Variants in NAALADL2 observed in about 807,000 individuals in gnomAD.
NAALADL2 encodes the protein inactive N-acetylated-alpha-linked acidic dipeptidase-like protein 2.
A neutral mutation model predicts 87.2 loss-of-function variants in NAALADL2; 76 were observed. That is an observed-to-expected ratio of 0.87 (90% CI 0.72 to 1.05). NAALADL2 has a LOEUF of 1.05. Among genes scored for constraint, NAALADL2 ranks in the 50% least tolerant of loss-of-function variants. The pLI is 0.00. For missense variants in NAALADL2, 1,089 were observed against 945.8 expected (o/e 1.15, Z -1.99); for synonymous variants, 354 against 331.0 (o/e 1.07, Z -0.75).
At chr3:175,314,690 A>ATG (rs1553857545) in intron 4 of NAALADL2, among the ~76,000 whole-genome samples, 40 of 51,454 alleles carry the variant, frequency 7.8e-4, no homozygotes, top group Non-Finnish European at 1.1e-3. Context: ...ATATATATAT[A>ATG]TATATATATA....
intron 2 of NAALADL2, among the ~76,000 whole-genome samples, chr3:174,703,591 A>ATT (rs925476580): frequency 6.6e-6 from 1 of 152,092 alleles, no homozygotes; most frequent in African/African-American, 2.4e-5. Context: ...GAAGTATATA[A>ATT]TTAGAGGATC....
chr3:175,577,662 A>G (rs1054152248), intron 10 of NAALADL2, among the ~76,000 whole-genome samples: 2 of 152,150 alleles, frequency 1.3e-5, no homozygotes, highest in Non-Finnish European at 2.9e-5. Context: ...CATCAAAATC[A>G]TTTGTATTAT....
intron 11 of NAALADL2, among the ~76,000 whole-genome samples, chr3:175,665,025 T>C (rs1485319432): frequency 1.3e-5 from 2 of 152,196 alleles, no homozygotes. Context: ...CACTGACACA[T>C]CTCATCGATA....
intron 3 of NAALADL2, among the ~76,000 whole-genome samples, chr3:174,768,876 A>AT (rs1295495785): frequency 6.6e-6 from 1 of 151,922 alleles, no homozygotes; most frequent in Non-Finnish European, 1.5e-5. Context: ...TTTGCCACTG[A>AT]TTTTTTAAGT....
chr3:174,669,485 T>A (rs1726311618), intron 2 of NAALADL2, among the ~76,000 whole-genome samples: 1 of 152,140 alleles, frequency 6.6e-6, no homozygotes, highest in Non-Finnish European at 1.5e-5. Flanking sequence ...CAGCACCATT[T>A]GTTGAAGAGA....
intron 1 of NAALADL2, among the ~76,000 whole-genome samples, chr3:175,034,766 A>T (rs1753211056): frequency 6.6e-6 from 1 of 152,128 alleles, no homozygotes; most frequent in Non-Finnish European, 1.5e-5. Flanking sequence ...CTCATCTATC[A>T]AACAGGAATT....
chr3:175,155,680 C>T lies in NAALADL2; in HGVS notation c.545+58389C>T, dbSNP rs1354083531. 2.6e-5 allele frequency among the ~76,000 whole-genome samples: 4 copies of T among 151,874 alleles called. No homozygotes were observed. In the East Asian group the frequency reaches 7.7e-4, roughly 29 times the overall value. On this transcript the variant is annotated intron_variant, in intron 2 of 13. Coordinates refer to ENST00000454872, the MANE Select transcript of NAALADL2 (RefSeq NM_207015.3). ...CTGTTTTAATAAATAGTTTATATTT[C>T]TGTAGATATTTATGACTATTACATT... is the stretch of plus-strand genomic sequence containing the variant.
chr3:174,800,161 T>G (rs1718647407), intron 3 of NAALADL2, among the ~76,000 whole-genome samples: 1 of 152,108 alleles, frequency 6.6e-6, no homozygotes, highest in African/African-American at 2.4e-5. Flanking sequence ...AAATTCAAAC[T>G]GGCTGCAGAA....
At chr3:174,661,805 TGTG>T (rs1259554222) in intron 2 of NAALADL2, among the ~76,000 whole-genome samples, 1 of 151,976 alleles carries the variant, frequency 6.6e-6, no homozygotes, top group African/African-American at 2.4e-5. Flanking sequence ...ATAAAGAAAA[TGTG>T]GTATACACAT....
chr3:174,862,835 CTAA>C (rs1328022739), intron 1 of NAALADL2, among the ~76,000 whole-genome samples: 1 of 152,218 alleles, frequency 6.6e-6, no homozygotes, highest in African/African-American at 2.4e-5. Context: ...TTGAGCGTTT[CTAA>C]TAATAGCTCT....
chr3:175,759,507 G>T lies in NAALADL2; in HGVS notation c.2189+4089G>T, dbSNP rs189720882. The stretch of plus-strand genomic sequence containing the variant: ...TGAGTAGCTGGGATTACAGGCGCAT[G>T]CCACCATGCCTGGCTCATTTTTGTA... On this transcript the variant is annotated intron_variant, in intron 13 of 13. Transcript: ENST00000454872. Among the ~76,000 whole-genome samples the T allele has an allele frequency of 3.3e-5, 5 of 152,148 alleles. No individual in the cohort carries two copies. In the East Asian group the frequency reaches 9.7e-4, roughly 30 times the overall value.
chr3:174,500,209 G>A (rs1337567756), intron 1 of NAALADL2, among the ~76,000 whole-genome samples: 2 of 151,374 alleles, frequency 1.3e-5, no homozygotes, highest in Admixed American at 6.6e-5. Context: ...TTCTAAATTC[G>A]AATTTCTGAT....
chr3:174,811,201 C>T (rs1720154271), intron 3 of NAALADL2, among the ~76,000 whole-genome samples: 2 of 152,046 alleles, frequency 1.3e-5, no homozygotes, highest in African/African-American at 4.8e-5. Flanking sequence ...GGAACCCCCA[C>T]ACATTGGGGC....
intron 5 of NAALADL2, among the ~76,000 whole-genome samples, chr3:175,327,842 A>G (rs1760925803): frequency 6.6e-6 from 1 of 152,174 alleles, no homozygotes; most frequent in Non-Finnish European, 1.5e-5. Flanking sequence ...CAATTTTAAG[A>G]GTTAAAAGTT....
intron 1 of NAALADL2, among the ~76,000 whole-genome samples, chr3:174,867,211 A>G (rs1344032573): frequency 6.6e-6 from 1 of 152,092 alleles, no homozygotes. Context: ...GCAGAAACTT[A>G]CTAAGCTTAT....
At chr3:175,695,950 A>G (rs1227474745) in intron 11 of NAALADL2, among the ~76,000 whole-genome samples, 2 of 152,162 alleles carry the variant, frequency 1.3e-5, no homozygotes, top group South Asian at 2.1e-4. Flanking sequence ...ATAGCTCGCC[A>G]TCTCACTGGG....
intron 1 of NAALADL2, among the ~76,000 whole-genome samples, chr3:174,929,285 G>A (rs1736526085): frequency 6.6e-6 from 1 of 152,186 alleles, no homozygotes; most frequent in Non-Finnish European, 1.5e-5. Flanking sequence ...ATCACTGAAG[G>A]ATTGCAGTGA....
intron 2 of NAALADL2, among the ~76,000 whole-genome samples, chr3:175,180,045 G>T (rs1356106051): frequency 6.6e-6 from 1 of 151,884 alleles, no homozygotes. Context: ...CAGGCCATAA[G>T]GTGTTTGTTT....
intron 4 of NAALADL2, among the ~76,000 whole-genome samples, chr3:175,303,713 A>G (rs182576887): frequency 1.3e-5 from 2 of 152,358 alleles, no homozygotes; most frequent in Non-Finnish European, 2.9e-5. Context: ...ATACTACCAG[A>G]GAAACTAAAT....
Sources: allele counts gnomAD v4.1 joint callset (sites outside exome capture counted in the v4.1 genomes callset), GRCh38; gene constraint gnomAD v4.1.1; transcripts MANE v1.5; gene names NCBI Gene and HGNC (gene_info 2026-07-23, HGNC 2026-07-21).